UMAD1: variants seen among roughly 807,000 people sequenced by gnomAD.
The protein encoded by UMAD1 is UBAP1-MVB12-associated (UMA) domain containing 1.
UMAD1 carries 8 observed loss-of-function variants against 6.1 expected under a neutral mutation model. That is an observed-to-expected ratio of 1.30 (90% CI 0.76 to 2.35). The LOEUF (loss-of-function observed/expected upper bound fraction) is 2.35. Ranked by LOEUF, UMAD1 falls within the 30% of genes most tolerant of loss-of-function variation. UMAD1 has a pLI of 0.00. For missense variants in UMAD1, 130 were observed against 78.4 expected (o/e 1.66, Z -2.49); for synonymous variants, 56 against 31.4 (o/e 1.78, Z -2.61).
intron 1 of UMAD1, among the ~76,000 whole-genome samples, chr7:7,670,785 C>T (rs1440243889): frequency 1.3e-5 from 2 of 152,204 alleles, no homozygotes; most frequent in Non-Finnish European, 2.9e-5. Context: ...CAAAACCACT[C>T]CCATTTACAA....
chr7:7,829,510 C>T (rs913831135), intron 3 of UMAD1, among the ~76,000 whole-genome samples: 3 of 146,380 alleles, frequency 2.0e-5, no homozygotes, highest in Non-Finnish European at 4.5e-5. Flanking sequence ...TTTTCCTTTT[C>T]GTAAATATAA....
chr7:7,808,138 T>G (rs562231533), intron 3 of UMAD1, among the ~76,000 whole-genome samples: 4 of 152,146 alleles, frequency 2.6e-5, no homozygotes, highest in African/African-American at 7.2e-5. Context: ...ACTCTGATAT[T>G]TGAGGGAAGA....
At chr7:7,805,818 A>G (rs1363481107) in intron 3 of UMAD1, among the ~76,000 whole-genome samples, 2 of 152,106 alleles carry the variant, frequency 1.3e-5, no homozygotes, top group African/African-American at 2.4e-5. Flanking sequence ...TTTCATGACT[A>G]CCTCAGCTAA....
intron 2 of UMAD1, among the ~76,000 whole-genome samples, chr7:7,762,838 A>G (rs1781917522): frequency 6.6e-6 from 1 of 152,110 alleles, no homozygotes; most frequent in South Asian, 2.1e-4. Flanking sequence ...AGGCTTCATG[A>G]GTTGAAAGCA....
intron 3 of UMAD1, among the ~76,000 whole-genome samples, chr7:7,814,380 A>G (rs1382048578): frequency 6.6e-6 from 1 of 151,416 alleles, no homozygotes; most frequent in Non-Finnish European, 1.5e-5. Flanking sequence ...GTTTTTTCCC[A>G]TTTTCCATTG....
At chr7:7,738,515 G>T (rs1428685256) in intron 2 of UMAD1, 3 of 152,192 alleles carry the variant, frequency 2.0e-5, no homozygotes, top group African/African-American at 7.2e-5. Flanking sequence ...GGTTGTAAAA[G>T]AAATCTTCCA....
intron 2 of UMAD1, among the ~76,000 whole-genome samples, chr7:7,683,897 A>G (rs570952692): frequency 2.0e-4 from 31 of 152,148 alleles, no homozygotes; most frequent in Middle Eastern, 3.4e-3. Context: ...AGCTGGGATT[A>G]TAGGCGTGAG....
At chr7:7,781,078 A>G (rs11980153) in intron 2 of UMAD1, among the ~76,000 whole-genome samples, 6,515 of 152,242 alleles carry the variant, frequency 0.043, 476 homozygotes, top group African/African-American at 0.15. Context: ...TTCTTGATAC[A>G]TATTGCCAAA....
intron 2 of UMAD1, among the ~76,000 whole-genome samples, chr7:7,677,818 C>T (rs952313359): frequency 6.7e-5 from 10 of 149,864 alleles, no homozygotes; most frequent in East Asian, 1.9e-4. Flanking sequence ...GGACTACAGG[C>T]GCCCGCCACT....
intron 1 of UMAD1, among the ~76,000 whole-genome samples, chr7:7,659,922 T>C (rs900487919): frequency 6.6e-6 from 1 of 152,196 alleles, no homozygotes; most frequent in African/African-American, 2.4e-5. Context: ...CCCACTATTA[T>C]TGTGTTGGAG....
chr7:7,719,313 A>C (rs748466922), intron 2 of UMAD1, among the ~76,000 whole-genome samples: 2 of 152,212 alleles, frequency 1.3e-5, no homozygotes, highest in Non-Finnish European at 2.9e-5. Context: ...AAATGGAAAG[A>C]TTAAACTGGA....
At chr7:7,745,228 G>A (rs999392137) in intron 2 of UMAD1, among the ~76,000 whole-genome samples, 9 of 152,118 alleles carry the variant, frequency 5.9e-5, no homozygotes, top group African/African-American at 1.9e-4. Flanking sequence ...GAAGAGGGGA[G>A]GTTGGCCTTG....
chr7:7,784,854 T>TG (rs1491463943), intron 2 of UMAD1, among the ~76,000 whole-genome samples: 2 of 134,416 alleles, frequency 1.5e-5, no homozygotes, highest in Non-Finnish European at 3.1e-5. Flanking sequence ...CTCCGCCCCC[T>TG]GGGGTTCACG....
chr7:7,700,380 G>T (rs1424803402), intron 2 of UMAD1, among the ~76,000 whole-genome samples: 1 of 152,064 alleles, frequency 6.6e-6, no homozygotes, highest in African/African-American at 2.4e-5. Context: ...AATTTTGAGG[G>T]AACACAAATA....
chr7:7,856,072 C>A (rs1794221814), intron 3 of UMAD1, among the ~76,000 whole-genome samples: 1 of 152,194 alleles, frequency 6.6e-6, no homozygotes, highest in South Asian at 2.1e-4. Flanking sequence ...TTCAACAAGT[C>A]TCTAGGAAGT....
intron 1 of UMAD1, among the ~76,000 whole-genome samples, chr7:7,668,235 A>G (rs1779519309): frequency 6.6e-6 from 1 of 152,132 alleles, no homozygotes; most frequent in South Asian, 2.1e-4. Context: ...TTTTACTTAC[A>G]CAATGTGAAT....
intron 2 of UMAD1, among the ~76,000 whole-genome samples, chr7:7,697,170 T>G (rs752618651): frequency 6.6e-5 from 10 of 152,228 alleles, no homozygotes; most frequent in Non-Finnish European, 1.2e-4. Flanking sequence ...ATGATCATAA[T>G]CCACTTCTTG....
At chr7:7,707,417 C>T (rs964469339) in intron 2 of UMAD1, among the ~76,000 whole-genome samples, 1 of 152,136 alleles carries the variant, frequency 6.6e-6, no homozygotes, top group African/African-American at 2.4e-5. Context: ...TTTCTAGCAC[C>T]ATCAGCAATG....
chr7:7,744,403 A>G (rs1015322374), intron 2 of UMAD1, among the ~76,000 whole-genome samples: 1 of 152,108 alleles, frequency 6.6e-6, no homozygotes, highest in African/African-American at 2.4e-5. Flanking sequence ...GCTTTTGTGT[A>G]GACATGTATT....
Sources: gnomAD v4.1 joint callset for allele counts (sites outside exome capture counted in the v4.1 genomes callset) on GRCh38, gnomAD v4.1.1 for gene constraint, MANE v1.5 for transcripts, NCBI Gene and HGNC (gene_info 2026-07-23, HGNC 2026-07-21) for gene names.